Variants in DPP10 observed in about 807,000 individuals in gnomAD.
The protein encoded by DPP10 is dipeptidyl peptidase like 10.
In DPP10, 33 loss-of-function variants were observed where a neutral mutation model predicts 120.9. The observed-to-expected ratio is 0.27, with a 90% CI of 0.21 to 0.37. The LOEUF (loss-of-function observed/expected upper bound fraction) is 0.37. DPP10 is among the 10% of genes least tolerant of loss of function. The pLI, the probability that DPP10 is intolerant of heterozygous loss-of-function variation, is 1.00. For synonymous variants in DPP10, 337 were observed against 326.1 expected, an observed-to-expected ratio of 1.03 and a Z score of -0.36; for missense variants, 816 against 942.8, an observed-to-expected ratio of 0.87 and a Z score of 1.76.
intron 1 of DPP10, among the ~76,000 whole-genome samples, chr2:115,238,205 T>G (rs1434012058): frequency 1.3e-5 from 2 of 152,160 alleles, no homozygotes; most frequent in Admixed American, 6.5e-5. Context: ...CTGAAAACCC[T>G]AAGGACCTTA....
At chr2:114,877,513 G>A (rs1691253762) in intron 1 of DPP10, among the ~76,000 whole-genome samples, 1 of 152,002 alleles carries the variant, frequency 6.6e-6, no homozygotes, top group South Asian at 2.1e-4. Context: ...AACTCACTGT[G>A]AGCCTTGTAG....
At chr2:115,481,772 T>G (rs556189070) in intron 3 of DPP10, among the ~76,000 whole-genome samples, 1 of 152,226 alleles carries the variant, frequency 6.6e-6, no homozygotes, top group South Asian at 2.1e-4. Flanking sequence ...TATGTATCAT[T>G]ATTTCATTCT....
intron 5 of DPP10, among the ~76,000 whole-genome samples, chr2:115,565,789 G>GTTTTTTTTTTTTTTTTTTTTGT (rs772616101): frequency 1.8e-5 from 2 of 111,116 alleles, no homozygotes; most frequent in African/African-American, 3.3e-5. Flanking sequence ...GTTTTTTTTT[G>GTTTTTTTTTTTTTTTTTTTTGT]TTTTTTTTTT....
At chr2:114,565,649 G>C (rs1429982431) in intron 1 of DPP10, among the ~76,000 whole-genome samples, 1 of 152,250 alleles carries the variant, frequency 6.6e-6, no homozygotes, top group Non-Finnish European at 1.5e-5. Context: ...TTCTGTCCTG[G>C]TGTGGACCTC....
chr2:115,696,466 AAC>A, intron 7 of DPP10, among the ~76,000 whole-genome samples: 1 of 152,184 alleles, frequency 6.6e-6, no homozygotes, highest in East Asian at 1.9e-4. Flanking sequence ...CTAAAAGAAA[AAC>A]AAAACAAATC....
chr2:115,546,517 C>A (rs1004618179), intron 5 of DPP10, among the ~76,000 whole-genome samples: 7 of 152,042 alleles, frequency 4.6e-5, no homozygotes, highest in African/African-American at 1.7e-4. Flanking sequence ...TTTTTCTCAA[C>A]AATTTTATTC....
intron 1 of DPP10, among the ~76,000 whole-genome samples, chr2:114,639,801 A>G (rs898569239): frequency 2.0e-5 from 3 of 151,984 alleles, no homozygotes; most frequent in Non-Finnish European, 2.9e-5. Flanking sequence ...TTACCTTAAC[A>G]TAGATTGTTT....
intron 1 of DPP10, among the ~76,000 whole-genome samples, chr2:114,620,228 CA>C (rs1005520497): frequency 4.0e-5 from 6 of 151,654 alleles, no homozygotes; most frequent in African/African-American, 1.2e-4. Flanking sequence ...ATATATGTTA[CA>C]AAAAAACTCA....
intron 21 of DPP10, among the ~76,000 whole-genome samples, chr2:115,816,187 A>G (rs996697995): frequency 6.6e-6 from 1 of 152,200 alleles, no homozygotes; most frequent in African/African-American, 2.4e-5. Flanking sequence ...GGGAAACAGT[A>G]AAGAGGTAAA....
At chr2:115,403,237 G>A (rs1386052869) in intron 3 of DPP10, among the ~76,000 whole-genome samples, 2 of 151,502 alleles carry the variant, frequency 1.3e-5, no homozygotes, top group East Asian at 1.9e-4. Flanking sequence ...TTAACTATAC[G>A]GAAAAAATGT....
At chr2:114,856,407 C>T (rs187148970) in intron 1 of DPP10, among the ~76,000 whole-genome samples, 67 of 152,148 alleles carry the variant, frequency 4.4e-4, no homozygotes, top group African/African-American at 1.5e-3. Flanking sequence ...TCTAAGTTTA[C>T]GTAGAGACAA....
At chr2:114,474,457 A>G (rs1680204347) in intron 1 of DPP10, among the ~76,000 whole-genome samples, 1 of 152,148 alleles carries the variant, frequency 6.6e-6, no homozygotes, top group African/African-American at 2.4e-5. Flanking sequence ...ACTGGAGAAA[A>G]TGTGCCCAGT....
rs1182908019 is a variant in DPP10 at position 115,814,929 on chromosome 2, C to G, written c.1837C>G (p.Gln613Glu). 1.2e-6 allele frequency: 2 copies of G among 1,612,104 alleles called. No individual in the cohort carries two copies. Among genetic ancestry groups the G allele is most frequent in the East Asian group, 4.5e-5 (2 of 44,836 alleles). ...TGGATTCCAGGGTCTGAAAATTTTG[C>G]AGGAGATTCATCGAAGATTAGGTTC... ...GSGFQGLKIL[Q>E]EIHRRLGSVE... Residue 613 changes from glutamine to glutamate, a missense_variant, in exon 20 of 26, where the codon CAG (glutamine) becomes GAG (glutamate). This residue lies in a region of DPP10 where 592 missense variants were observed against 649.0 expected (regional missense o/e 0.91). Transcript: ENST00000410059.
At chr2:114,722,408 G>T (rs114574136) in intron 1 of DPP10, among the ~76,000 whole-genome samples, 2 of 152,068 alleles carry the variant, frequency 1.3e-5, no homozygotes, top group African/African-American at 4.8e-5. Context: ...TTAAAGAGGA[G>T]TTCTAGAGAA....
chr2:114,545,338 T>C (rs944433063), intron 1 of DPP10, among the ~76,000 whole-genome samples: 3 of 152,182 alleles, frequency 2.0e-5, no homozygotes, highest in Non-Finnish European at 4.4e-5. Flanking sequence ...AAATTTGAAA[T>C]TACACATGTG....
intron 3 of DPP10, among the ~76,000 whole-genome samples, chr2:115,432,715 G>A (rs1574830199): frequency 7.6e-6 from 1 of 131,268 alleles, no homozygotes; most frequent in South Asian, 2.6e-4. Flanking sequence ...TAGCTCAGTG[G>A]TTATCAATGG....
intron 3 of DPP10, among the ~76,000 whole-genome samples, chr2:115,376,903 A>T (rs1302922246): frequency 1.3e-5 from 2 of 148,414 alleles, no homozygotes; most frequent in Non-Finnish European, 3.0e-5. Context: ...ATGGCTGCAT[A>T]GTATTCCATG....
chr2:114,566,558 C>A (rs1477290923), intron 1 of DPP10, among the ~76,000 whole-genome samples: 1 of 152,144 alleles, frequency 6.6e-6, no homozygotes, highest in African/African-American at 2.4e-5. Flanking sequence ...GTTCCAAGAT[C>A]TAATCCATAA....
intron 1 of DPP10, among the ~76,000 whole-genome samples, chr2:115,152,747 A>G (rs1213622112): frequency 6.6e-6 from 1 of 152,172 alleles, no homozygotes; most frequent in Non-Finnish European, 1.5e-5. Flanking sequence ...TGGTTTCAAG[A>G]GTTCACAGGA....
Sources: gnomAD v4.1 joint callset for allele counts (sites outside exome capture counted in the v4.1 genomes callset) on GRCh38, gnomAD v4.1.1 for gene constraint, gnomAD v4.1.1 regional missense constraint, MANE v1.5 for transcripts, NCBI Gene and HGNC (gene_info 2026-07-23, HGNC 2026-07-21) for gene names.